The following TBRG4 variants were observed in gnomAD, a reference collection of about 807,000 sequenced individuals.
TBRG4 encodes the protein FAST kinase domain-containing protein 4.
A neutral mutation model predicts 65.6 loss-of-function variants in TBRG4; 43 were observed. That is an observed-to-expected ratio of 0.66 (90% CI 0.51 to 0.85). TBRG4 has a LOEUF of 0.85. TBRG4 is among the 40% of genes least tolerant of loss of function. The pLI is 0.00. For synonymous variants in TBRG4, 366 were observed against 341.4 expected, an observed-to-expected ratio of 1.07 and a Z score of -0.79; for missense variants, 709 against 787.9, an observed-to-expected ratio of 0.90 and a Z score of 1.20.
At position 45,111,650 on chromosome 7, in the gene TBRG4, G is replaced by A. The variant is rs1055063362; in HGVS notation, c.-58C>T. 4.7e-6 allele frequency: 6 copies of A among 1,289,304 alleles called. No individual in the cohort carries two copies. The African/African-American group carries it at 7.6e-5, about 16-fold the overall frequency. 79.9% of individuals were successfully genotyped at this position (1,289,304 alleles called of 1,614,324 possible). On this transcript the variant is annotated 5_prime_UTR_variant, in exon 1 of 11. Transcript: ENST00000258770. Reference sequence around the variant, plus strand: ...CCGTGCCACAAGACCTACGCAGCGAGCACCACCGCTGACCTCCATCCGCCG... The same window carrying A: ...CCGTGCCACAAGACCTACGCAGCGAACACCACCGCTGACCTCCATCCGCCG...
intron 6 of TBRG4, chr7:45,103,051 G>C: frequency 8.1e-6 from 4 of 495,056 alleles, no homozygotes; most frequent in Non-Finnish European, 1.5e-5. Context: ...TAGCACGAAG[G>C]CCCACTGGAG....
chr7:45,103,100 G>A, intron 6 of TBRG4: 1 of 570,040 alleles, frequency 1.8e-6, no homozygotes, highest in East Asian at 3.0e-5. Context: ...GAGCACCAGA[G>A]GCAGGACCCC....
rs1426255444 is a variant in TBRG4, at chr7:45,100,188, T to A, written c.*137A>T. The A allele has an allele frequency of 1.6e-6, 1 of 644,300 alleles. No individual in the cohort carries two copies. The highest frequency in any genetic ancestry group is 1.8e-5 in the African/African-American group (1 of 54,346). 39.9% of individuals were successfully genotyped at this position (644,300 alleles called of 1,614,324 possible). On this transcript the variant is annotated 3_prime_UTR_variant, in exon 11 of 11. Transcript: ENST00000258770. ...TTATTATACACAAGAGGACGTTCTG[T>A]CCCTCAGAGTGGCTGGCCACCCTCC... is the stretch of plus-strand genomic sequence containing the variant.
At chr7:45,101,207 TG>T in intron 10 of TBRG4, 50 bp downstream of exon 10, 1 of 1,558,110 alleles carries the variant, frequency 6.4e-7, no homozygotes, top group Non-Finnish European at 8.8e-7. Context: ...CTCTCTAGCG[TG>T]GGTTGGGGAT....
chr7:45,105,396 C>G, intron 3 of TBRG4, 45 bp downstream of exon 3: 1 of 1,554,708 alleles, frequency 6.4e-7, no homozygotes, highest in Non-Finnish European at 8.7e-7. Context: ...AAGCCCAAAG[C>G]CCAGGGGAGG....
chr7:45,105,646 C>T lies in TBRG4; in HGVS notation c.530G>A (p.Arg177Gln), dbSNP rs1001520861. ...SVEQEVRWRM[R>Q]KLKYKHLAFL... ...GGCCAGGTGCTTGTACTTGAGCTTCCGCATGCGCCAGCGGACCTCCTGCTC... is the reference window on the plus strand; with the variant it reads ...GGCCAGGTGCTTGTACTTGAGCTTCTGCATGCGCCAGCGGACCTCCTGCTC... The change falls in exon 3 of 11, where the codon CGG becomes CAG. Residue 177 changes from arginine (R) to glutamine (Q), a missense_variant. Transcript: ENST00000258770. 1.6e-5 allele frequency: 26 copies of T among 1,614,002 alleles called. No homozygotes were observed. The highest frequency in any genetic ancestry group is 4.0e-5 in the African/African-American group (3 of 74,944).
intron 7 of TBRG4, 63 bp from the exon 8 acceptor site, chr7:45,102,133 G>A: frequency 6.5e-7 from 1 of 1,539,496 alleles, no homozygotes; most frequent in South Asian, 1.3e-5. Flanking sequence ...AGACCCTGAT[G>A]AGAGGGCAGT....
At position 45,103,197 on chromosome 7, in the gene TBRG4, C is replaced by G. The variant is rs1784824669; in HGVS notation, c.1176+136G>C. Reference sequence around the variant, plus strand: ...CTAGGATGCCTGGCTCCAATCAGTTCCCCCTGCCCTCCCATGCCACACATA... The same window carrying G: ...CTAGGATGCCTGGCTCCAATCAGTTGCCCCTGCCCTCCCATGCCACACATA... On this transcript the variant is annotated intron_variant, in intron 6 of 10. Transcript: ENST00000258770. 4.3e-6 allele frequency: 3 copies of G among 699,738 alleles called. No individual in the cohort carries two copies. In the East Asian group the frequency reaches 8.2e-5, roughly 19 times the overall value. The allele number at this position is 699,738 out of a possible 1,614,324, so 43.3% of individuals were successfully genotyped here. A position where few individuals can be genotyped will look rare whatever the true frequency, so the allele number is the denominator to read the frequency against.
intron 6 of TBRG4, 96 bp downstream of exon 6, chr7:45,103,237 C>T (rs973644673): frequency 2.9e-6 from 3 of 1,051,732 alleles, no homozygotes; most frequent in African/African-American, 3.2e-5. Context: ...CCCCTCCCGC[C>T]TCCACCTAGC....
In TBRG4 at chr7:45,102,331, G is replaced by C; in HGVS notation, c.1321+16C>G. On this transcript the variant is annotated intron_variant, in intron 7 of 10. Transcript: ENST00000258770. The stretch of plus-strand genomic sequence containing the variant: ...CAGTTTCCCAGTTCCAGTAGTACTA[G>C]GGGCAGGGGGCTCACCTAGAAATTG... 2 of 1,613,898 alleles carry C rather than the reference G, an allele frequency of 1.2e-6. No individual in the cohort carries two copies. The highest frequency in any genetic ancestry group is 1.7e-6 in the Non-Finnish European group (2 of 1,179,930).
intron 3 of TBRG4, chr7:45,105,141 C>T (rs1054492091): frequency 4.6e-6 from 3 of 646,744 alleles, no homozygotes; most frequent in African/African-American, 1.8e-5. Context: ...GCCTGCCATG[C>T]CCCCCTCTCA....
chr7:45,103,246 G>A, intron 6 of TBRG4, 87 bp downstream of exon 6: 1 of 1,137,176 alleles, frequency 8.8e-7, no homozygotes, highest in East Asian at 2.6e-5. Flanking sequence ...CCTCCACCTA[G>A]CCCGAGCTGA....
At chr7:45,111,183 C>G (rs753618451) in intron 1 of TBRG4, among the ~76,000 whole-genome samples, 6 of 152,152 alleles carry the variant, frequency 3.9e-5, no homozygotes, top group Non-Finnish European at 2.9e-5. Context: ...ACCATGACCT[C>G]AAGTGATCCA....
At chr7:45,101,653 A>G in intron 8 of TBRG4, 39 bp from the exon 9 acceptor site, 1 of 1,605,178 alleles carries the variant, frequency 6.2e-7, no homozygotes, top group Non-Finnish European at 8.5e-7. Context: ...GTTGGGGGAC[A>G]TCCCTCAGAA....
intron 6 of TBRG4, 71 bp downstream of exon 6, chr7:45,103,262 G>C: frequency 1.5e-6 from 2 of 1,308,846 alleles, no homozygotes; most frequent in Non-Finnish European, 2.2e-6. Context: ...GCTGATCTTG[G>C]GAGGACGGTT....
intron 6 of TBRG4, chr7:45,102,769 T>C: frequency 2.1e-6 from 1 of 479,030 alleles, no homozygotes; most frequent in Non-Finnish European, 3.7e-6. Flanking sequence ...ACAACCAACC[T>C]ACTGGCAGGG....
chr7:45,101,668 C>T lies in TBRG4; in HGVS notation c.1568-54G>A, dbSNP rs1024062196. Reference sequence around the variant, plus strand: ...GTTGGGGGACATCCCTCAGAAACCCCCCCACAGGAAAGATGAACAAAGATG... The same window carrying T: ...GTTGGGGGACATCCCTCAGAAACCCTCCCACAGGAAAGATGAACAAAGATG... On this transcript the variant is annotated intron_variant, in intron 8 of 10. Transcript: ENST00000258770. 147 of 1,602,174 alleles carry T rather than the reference C, an allele frequency of 9.2e-5. No individual in the cohort carries two copies. The Admixed American group carries it at 2.4e-3, about 26-fold the overall frequency.
At chr7:45,105,253 C>A in intron 3 of TBRG4, 188 bp downstream of exon 3, 1 of 658,770 alleles carries the variant, frequency 1.5e-6, no homozygotes, top group Non-Finnish European at 2.6e-6. Context: ...AGCCACAGGG[C>A]AACCACCTGT....
intron 3 of TBRG4, chr7:45,105,146 C>T (rs531359442): frequency 9.3e-6 from 6 of 646,730 alleles, no homozygotes; most frequent in South Asian, 3.2e-5. Context: ...CCATGCCCCC[C>T]TCTCAAGATC....
Sources: allele counts gnomAD v4.1 joint callset (sites outside exome capture counted in the v4.1 genomes callset), GRCh38; gene constraint gnomAD v4.1.1; transcripts MANE v1.5; gene names NCBI Gene and HGNC (gene_info 2026-07-23, HGNC 2026-07-21).